RGS7: variants seen among roughly 807,000 people sequenced by gnomAD.
RGS7 encodes the protein regulator of G-protein signaling 7.
In RGS7, 27 loss-of-function variants were observed where a neutral mutation model predicts 81.1. The observed-to-expected ratio is 0.33, with a 90% CI of 0.25 to 0.46. The LOEUF is 0.46. Among genes scored for constraint, RGS7 ranks in the 20% least tolerant of loss-of-function variants. RGS7 has a pLI of 1.00. For missense variants in RGS7, 396 were observed against 607.4 expected (o/e 0.65, Z 3.66); for synonymous variants, 208 against 207.7 (o/e 1.00, Z -0.01).
chr1:241,125,421 G>C (rs2066586029), intron 2 of RGS7, among the ~76,000 whole-genome samples: 1 of 120,294 alleles, frequency 8.3e-6, no homozygotes, highest in Non-Finnish European at 1.6e-5. Context: ...CATGCACAAA[G>C]ACATGGACAC....
At chr1:241,260,042 C>T (rs918956241) in intron 2 of RGS7, among the ~76,000 whole-genome samples, 8 of 152,130 alleles carry the variant, frequency 5.3e-5, no homozygotes, top group African/African-American at 1.9e-4. Flanking sequence ...TTTAGCTACA[C>T]CACACTGTCT....
At chr1:240,794,958 G>A (rs1202120917) in intron 18 of RGS7, among the ~76,000 whole-genome samples, 14 of 152,074 alleles carry the variant, frequency 9.2e-5, no homozygotes, top group Admixed American at 6.5e-5. Flanking sequence ...CGAGGCAGGC[G>A]GATCACCTGA....
At chr1:240,922,768 G>A (rs942861512) in intron 6 of RGS7, among the ~76,000 whole-genome samples, 1 of 152,102 alleles carries the variant, frequency 6.6e-6, no homozygotes, top group Admixed American at 6.6e-5. Flanking sequence ...TTGCTGGTGG[G>A]AATGCAAAAT....
intron 2 of RGS7, among the ~76,000 whole-genome samples, chr1:241,227,253 G>C (rs2075359653): frequency 6.6e-6 from 1 of 152,156 alleles, no homozygotes; most frequent in Admixed American, 6.5e-5. Flanking sequence ...ACAGTGAGAG[G>C]TTCATAGAGA....
chr1:241,145,040 G>GGC (rs1677938644), intron 2 of RGS7, among the ~76,000 whole-genome samples: 1 of 148,362 alleles, frequency 6.7e-6, no homozygotes, highest in Non-Finnish European at 1.5e-5. Context: ...TTTTTGAGAT[G>GGC]GAGTCTCGCA....
intron 2 of RGS7, among the ~76,000 whole-genome samples, chr1:241,102,118 T>C (rs1445170746): frequency 2.0e-5 from 3 of 152,212 alleles, no homozygotes; most frequent in African/African-American, 7.2e-5. Context: ...ATCATGTACA[T>C]GCATTCAGCT....
At chr1:240,777,919 CT>C in intron 18 of RGS7, among the ~76,000 whole-genome samples, 1 of 115,332 alleles carries the variant, frequency 8.7e-6, no homozygotes, top group African/African-American at 3.5e-5. Flanking sequence ...ATCTAATGAC[CT>C]TCCAAAGGCC....
chr1:241,314,979 T>TA (rs956922766), intron 2 of RGS7, among the ~76,000 whole-genome samples: 1 of 152,126 alleles, frequency 6.6e-6, no homozygotes, highest in African/African-American at 2.4e-5. Context: ...AGATATATTT[T>TA]AAAGTTAGAG....
At chr1:241,196,526 A>C (rs1242852255) in intron 2 of RGS7, among the ~76,000 whole-genome samples, 1 of 152,126 alleles carries the variant, frequency 6.6e-6, no homozygotes, top group Non-Finnish European at 1.5e-5. Flanking sequence ...AATATCCATG[A>C]GAAATGCAGT....
At chr1:241,079,317 G>C (rs902607921) in intron 3 of RGS7, among the ~76,000 whole-genome samples, 3 of 152,180 alleles carry the variant, frequency 2.0e-5, no homozygotes, top group Non-Finnish European at 4.4e-5. Flanking sequence ...TCTACTGTGT[G>C]CCAAACACTG....
intron 3 of RGS7, among the ~76,000 whole-genome samples, chr1:241,043,141 TATC>T (rs1277041749): frequency 2.0e-5 from 3 of 152,162 alleles, no homozygotes; most frequent in African/African-American, 7.2e-5. Flanking sequence ...TTGAAATTAT[TATC>T]ACTTTCCAGT....
At chr1:241,303,029 T>C (rs1451658316) in intron 2 of RGS7, among the ~76,000 whole-genome samples, 3 of 145,570 alleles carry the variant, frequency 2.1e-5, no homozygotes, top group Admixed American at 6.7e-5. Context: ...AAATTAACCA[T>C]GAAGGGAGTG....
chr1:241,117,241 A>C (rs770597572), intron 2 of RGS7, among the ~76,000 whole-genome samples: 1 of 152,214 alleles, frequency 6.6e-6, no homozygotes, highest in Non-Finnish European at 1.5e-5. Context: ...ACAGTGATAC[A>C]ATCCTTTACA....
chr1:241,095,122 T>C (rs2678780), intron 3 of RGS7, among the ~76,000 whole-genome samples: 71,659 of 151,946 alleles, frequency 0.47, 19,818 homozygotes, highest in African/African-American at 0.77. Context: ...AGAAAAAGAT[T>C]GGCACAAGCA....
chr1:241,036,227 G>T (rs943078377), intron 3 of RGS7, among the ~76,000 whole-genome samples: 1 of 152,060 alleles, frequency 6.6e-6, no homozygotes, highest in Non-Finnish European at 1.5e-5. Flanking sequence ...AAAATTCACA[G>T]AAAATAAAAG....
At chr1:241,087,981 T>TAC in intron 3 of RGS7, among the ~76,000 whole-genome samples, 1 of 71,570 alleles carries the variant, frequency 1.4e-5, no homozygotes, top group Admixed American at 1.4e-4. Context: ...TCTCTCTATA[T>TAC]ATATATATAT....
At chr1:240,862,808 T>C (rs995914898) in intron 9 of RGS7, among the ~76,000 whole-genome samples, 4 of 152,188 alleles carry the variant, frequency 2.6e-5, no homozygotes, top group African/African-American at 9.7e-5. Flanking sequence ...TCAAGACTTT[T>C]AAAATTGATA....
chr1:240,927,772 A>G (rs1398979020), intron 6 of RGS7, among the ~76,000 whole-genome samples: 1 of 152,216 alleles, frequency 6.6e-6, no homozygotes, highest in Non-Finnish European at 1.5e-5. Flanking sequence ...AGCACAACCA[A>G]TAATATGTTT....
At chr1:240,914,666 CCTT>C (rs1310953765) in intron 6 of RGS7, among the ~76,000 whole-genome samples, 2 of 152,190 alleles carry the variant, frequency 1.3e-5, no homozygotes, top group Non-Finnish European at 2.9e-5. Context: ...CTTTGTTTAT[CCTT>C]CTTTCCCTTG....
Sources: allele counts gnomAD v4.1 joint callset (sites outside exome capture counted in the v4.1 genomes callset), GRCh38; gene constraint gnomAD v4.1.1; transcripts MANE v1.5; gene names NCBI Gene and HGNC (gene_info 2026-07-23, HGNC 2026-07-21).